Variants in ETS1 observed in about 807,000 individuals in gnomAD.
ETS1 encodes ETS proto-oncogene 1, transcription factor.
ETS1 carries 15 observed loss-of-function variants against 58.6 expected under a neutral mutation model. That is an observed-to-expected ratio of 0.26 (90% CI 0.17 to 0.39). The LOEUF (loss-of-function observed/expected upper bound fraction) is 0.39. Ranked by LOEUF, ETS1 falls within the 10% of genes least tolerant of loss-of-function variation. The pLI is 1.00. For synonymous variants in ETS1, 214 were observed against 218.2 expected (o/e 0.98, Z 0.17); for missense variants, 417 against 610.5 (o/e 0.68, Z 3.34).
At chr11:128,507,095 G>A (rs565973702) in intron 3 of ETS1, among the ~76,000 whole-genome samples, 23 of 152,248 alleles carry the variant, frequency 1.5e-4, no homozygotes, top group African/African-American at 5.3e-4. Flanking sequence ...TGAGGAAGGT[G>A]CAGTCACAAC....
In ETS1 at chr11:128,508,132, G is replaced by A. The variant is rs117725943; in HGVS notation, c.215-17556C>T. ...GGACGGCTCTGGCCCACTTGGTTAT[G>A]GAGGTGTCAAGTGGAAAATTTTCTG... On this transcript the variant is annotated intron_variant, in intron 3 of 9. Coordinates refer to ENST00000392668, the MANE Select transcript of ETS1 (RefSeq NM_001143820.2). 1.4e-3 allele frequency among the ~76,000 whole-genome samples: 215 copies of A among 152,316 alleles called. 1 individual carries two copies. The East Asian group carries it at 0.036, about 26-fold the overall frequency.
intron 3 of ETS1, among the ~76,000 whole-genome samples, chr11:128,508,653 G>A (rs549048440): frequency 2.6e-5 from 4 of 152,274 alleles, no homozygotes; most frequent in South Asian, 4.1e-4. Context: ...ACTCTGTATC[G>A]TAAGATCATG....
chr11:128,514,254 A>G (rs1479083041), intron 3 of ETS1, among the ~76,000 whole-genome samples: 1 of 152,232 alleles, frequency 6.6e-6, no homozygotes, highest in African/African-American at 2.4e-5. Context: ...AACCAAAAAA[A>G]AAAAGTTACC....
intron 5 of ETS1, among the ~76,000 whole-genome samples, chr11:128,486,641 T>C (rs1380410284): frequency 6.6e-6 from 1 of 152,230 alleles, no homozygotes; most frequent in Non-Finnish European, 1.5e-5. Context: ...ATTTTTCCCA[T>C]TGCCCTCAGG....
In ETS1 at chr11:128,461,245, T is replaced by C. The variant is rs1197728229; in HGVS notation, c.*1116A>G. ...TGGAACGACATGCATTCAGGACTTA[T>C]TTCTTAGGACCTGAGGGGTAATGCC... On this transcript the variant is annotated 3_prime_UTR_variant, in exon 10 of 10. Transcript: ENST00000392668. 6.5e-6 allele frequency: 1 copy of C among 152,806 alleles called. No homozygotes were observed. Among genetic ancestry groups the C allele is most frequent in the African/African-American group, 2.4e-5 (1 of 41,456 alleles). The allele number at this position is 152,806 out of a possible 1,614,324, so 9.5% of individuals were successfully genotyped here. A position where few individuals can be genotyped will look rare whatever the true frequency, so the allele number is the denominator to read the frequency against.
chr11:128,570,783 C>A (rs749566740), intron 2 of ETS1, among the ~76,000 whole-genome samples: 1 of 152,096 alleles, frequency 6.6e-6, no homozygotes, highest in Non-Finnish European at 1.5e-5. Context: ...GGAGGAGGAG[C>A]CCTTTTCTGG....
chr11:128,463,143 A>G lies in ETS1; in HGVS notation c.1242+366T>C, dbSNP rs1861947739. On this transcript the variant is annotated intron_variant, in intron 9 of 9. Coordinates refer to ENST00000392668, the MANE Select transcript of ETS1 (RefSeq NM_001143820.2). This position sits in a 1 kb window ranked among gnomAD's most constrained non-coding sequence, Gnocchi z 4.1. The stretch of plus-strand genomic sequence containing the variant: ...AAACATGTGTGTAATGAAATAAGAA[A>G]CTAATGAGCCAATCTCCCAAGGCCT... Among the ~76,000 whole-genome samples, 1 of 152,172 alleles carries G rather than the reference A, an allele frequency of 6.6e-6. No individual in the cohort carries two copies. Among genetic ancestry groups the G allele is most frequent in the Non-Finnish European group, 1.5e-5 (1 of 68,040 alleles).
At chr11:128,547,162 A>G (rs771583968) in intron 3 of ETS1, among the ~76,000 whole-genome samples, 1 of 152,200 alleles carries the variant, frequency 6.6e-6, no homozygotes, top group Non-Finnish European at 1.5e-5. Flanking sequence ...GATTTATAGG[A>G]AGGAAGTTTA....
chr11:128,485,983 C>A, intron 6 of ETS1, 86 bp downstream of exon 6: 4 of 774,774 alleles, frequency 5.2e-6, no homozygotes, highest in South Asian at 3.1e-5. Context: ...ATAGAATTAC[C>A]ATGAAGGAGC....
intron 3 of ETS1, among the ~76,000 whole-genome samples, chr11:128,531,558 T>A (rs563222005): frequency 6.6e-6 from 1 of 152,342 alleles, no homozygotes; most frequent in Admixed American, 6.5e-5. Context: ...AGTTTTGGTC[T>A]AGGTATGCAA....
chr11:128,582,185 G>A (rs529344708), intron 1 of ETS1, among the ~76,000 whole-genome samples: 2 of 152,252 alleles, frequency 1.3e-5, no homozygotes, highest in Admixed American at 6.5e-5. Flanking sequence ...AAGAGGTTAC[G>A]TGTTTAGCAG....
chr11:128,575,553 C>T (rs1864728829), intron 1 of ETS1, among the ~76,000 whole-genome samples: 3 of 152,176 alleles, frequency 2.0e-5, no homozygotes, highest in Admixed American at 2.0e-4. Flanking sequence ...CACCAGTAAA[C>T]AAGGATTCCT....
intron 1 of ETS1, among the ~76,000 whole-genome samples, chr11:128,583,730 AT>A (rs772506081): frequency 1.2e-4 from 19 of 152,066 alleles, no homozygotes; most frequent in East Asian, 1.2e-3. Context: ...AAATTTATAT[AT>A]TTTTTCCTCC....
intron 3 of ETS1, among the ~76,000 whole-genome samples, chr11:128,544,807 G>T (rs1277545799): frequency 6.6e-6 from 1 of 152,174 alleles, no homozygotes; most frequent in African/African-American, 2.4e-5. Flanking sequence ...AAAGCCTTTT[G>T]ATAGTAAAAC....
At chr11:128,579,973 T>C (rs928032633) in intron 1 of ETS1, among the ~76,000 whole-genome samples, 8 of 151,936 alleles carry the variant, frequency 5.3e-5, no homozygotes, top group African/African-American at 1.9e-4. Context: ...TGACACTTCC[T>C]GTATCTATGC....
chr11:128,488,926 GAAAACAAAAACA>G (rs550846811), intron 5 of ETS1, among the ~76,000 whole-genome samples: 4 of 152,060 alleles, frequency 2.6e-5, no homozygotes, highest in Admixed American at 1.3e-4. Context: ...TAAGATTGCA[GAAAACAAAAACA>G]AAAACAAAAA....
intron 9 of ETS1, 101 bp from the exon 10 acceptor site, chr11:128,462,677 C>CA: frequency 3.7e-6 from 3 of 814,214 alleles, no homozygotes; most frequent in Non-Finnish European, 4.0e-6. Flanking sequence ...TTCATGGTGA[C>CA]CCATGATGCT....
At chr11:128,548,133 A>AAGGAAAG (rs1234811137) in intron 3 of ETS1, among the ~76,000 whole-genome samples, 5 of 116,768 alleles carry the variant, frequency 4.3e-5, no homozygotes, top group Non-Finnish European at 8.4e-5. Flanking sequence ...AAGGAAAGGA[A>AAGGAAAG]AGGGAAGGGA....
intron 3 of ETS1, among the ~76,000 whole-genome samples, chr11:128,498,876 A>G (rs1863011814): frequency 6.6e-6 from 1 of 152,222 alleles, no homozygotes; most frequent in Non-Finnish European, 1.5e-5. Flanking sequence ...TCCTGCATAG[A>G]TAATTACACC....
Sources: gnomAD v4.1 joint callset for allele counts (sites outside exome capture counted in the v4.1 genomes callset) on GRCh38, gnomAD v4.1.1 for gene constraint, Gnocchi (gnomAD v3.1) non-coding constraint, MANE v1.5 for transcripts, NCBI Gene and HGNC (gene_info 2026-07-23, HGNC 2026-07-21) for gene names.